CFAP299: variants seen among roughly 807,000 people sequenced by gnomAD.
The protein encoded by CFAP299 is cilia and flagella associated protein 299, also known as cilia- and flagella-associated protein 299.
In CFAP299, 21 loss-of-function variants were observed where a neutral mutation model predicts 27.0. The observed-to-expected ratio is 0.78, with a 90% CI of 0.55 to 1.12. The LOEUF (loss-of-function observed/expected upper bound fraction) is 1.12. CFAP299 is among the 50% of genes most tolerant of loss of function. The probability of loss-of-function intolerance (pLI) is 0.00; values close to 1 mark genes in which losing one functional copy is unlikely to be tolerated. For synonymous variants in CFAP299, 104 were observed against 98.1 expected (o/e 1.06, Z -0.36); for missense variants, 310 against 276.6 (o/e 1.12, Z -0.86).
chr4:80,860,819 C>T (rs1402620603), intron 3 of CFAP299, among the ~76,000 whole-genome samples: 2 of 152,170 alleles, frequency 1.3e-5, no homozygotes, highest in Non-Finnish European at 2.9e-5. Flanking sequence ...TCTGCCCCTA[C>T]TGGGGGGTGC....
intron 2 of CFAP299, among the ~76,000 whole-genome samples, chr4:80,435,641 T>C (rs1019236361): frequency 4.6e-5 from 7 of 152,158 alleles, no homozygotes; most frequent in Admixed American, 4.6e-4. Context: ...GGACACAAGA[T>C]AGAAAAGCAC....
chr4:80,566,792 A>G (rs1386212210), intron 2 of CFAP299, among the ~76,000 whole-genome samples: 1 of 152,072 alleles, frequency 6.6e-6, no homozygotes, highest in African/African-American at 2.4e-5. Flanking sequence ...CTCCGAGGAG[A>G]GAATGAAAGT....
intron 2 of CFAP299, among the ~76,000 whole-genome samples, chr4:80,433,436 ATACTT>A (rs1229493269): frequency 1.3e-5 from 2 of 152,172 alleles, no homozygotes; most frequent in South Asian, 2.1e-4. Flanking sequence ...AATAGAAAGA[ATACTT>A]TACCTTAAAA....
At chr4:80,862,459 C>G (rs937781990) in intron 3 of CFAP299, among the ~76,000 whole-genome samples, 1 of 152,056 alleles carries the variant, frequency 6.6e-6, no homozygotes, top group Non-Finnish European at 1.5e-5. Context: ...AACAATGATT[C>G]CCCCTGAGAA....
chr4:80,761,049 T>C (rs1560737871), intron 3 of CFAP299, among the ~76,000 whole-genome samples: 1 of 152,222 alleles, frequency 6.6e-6, no homozygotes, highest in Non-Finnish European at 1.5e-5. Flanking sequence ...GGGCTATAAA[T>C]GTATTTAAAT....
Position 80,676,640 on chromosome 4 carries a change from G to T in CFAP299, c.333+93457G>T, listed in dbSNP as rs548299043. ...AGCTTCAATTTGATTACTCATTATT[G>T]GTTTGTTGATGTTTTCTACTTCTTC... On this transcript the variant is annotated intron_variant, in intron 3 of 5. Coordinates refer to ENST00000358105, the MANE Select transcript of CFAP299 (RefSeq NM_152770.3). 3.0e-4 allele frequency among the ~76,000 whole-genome samples: 45 copies of T among 151,674 alleles called. 1 individual carries two copies. In the East Asian group the frequency reaches 8.7e-3, roughly 29 times the overall value.
At chr4:80,799,652 T>A (rs1303584718) in intron 3 of CFAP299, among the ~76,000 whole-genome samples, 1 of 18,128 alleles carries the variant, frequency 5.5e-5, no homozygotes, top group Non-Finnish European at 8.4e-5. Flanking sequence ...ATATATATTT[T>A]ATATATTATA....
chr4:80,538,550 G>T (rs1009204214), intron 2 of CFAP299, among the ~76,000 whole-genome samples: 2 of 151,212 alleles, frequency 1.3e-5, no homozygotes, highest in African/African-American at 4.9e-5. Context: ...CCTTATGCAG[G>T]TGTACCATTT....
At chr4:80,850,281 G>A (rs985475210) in intron 3 of CFAP299, among the ~76,000 whole-genome samples, 1 of 151,782 alleles carries the variant, frequency 6.6e-6, no homozygotes. Context: ...GAGTGGAAAA[G>A]ATACATATTA....
intron 2 of CFAP299, among the ~76,000 whole-genome samples, chr4:80,534,352 A>G (rs970022850): frequency 1.3e-5 from 2 of 150,386 alleles, no homozygotes; most frequent in African/African-American, 4.9e-5. Flanking sequence ...TTTTCCTATT[A>G]TATTTTTAAG....
intron 2 of CFAP299, among the ~76,000 whole-genome samples, chr4:80,501,977 G>A (rs1731773575): frequency 6.6e-6 from 1 of 151,552 alleles, no homozygotes; most frequent in Admixed American, 6.6e-5. Context: ...TCTTGTTTTG[G>A]GTTGTCTATT....
intron 3 of CFAP299, among the ~76,000 whole-genome samples, chr4:80,714,751 GC>G (rs1722379845): frequency 1.3e-5 from 2 of 151,968 alleles, no homozygotes; most frequent in African/African-American, 2.4e-5. Flanking sequence ...TGTTCAGAAA[GC>G]AAAATTGTAA....
At chr4:80,686,173 C>T (rs1165035903) in intron 3 of CFAP299, among the ~76,000 whole-genome samples, 2 of 151,870 alleles carry the variant, frequency 1.3e-5, no homozygotes, top group African/African-American at 4.8e-5. Flanking sequence ...CCTAAAAGAA[C>T]TCCTTAGATT....
At chr4:80,956,471 G>C (rs1384293296) in intron 5 of CFAP299, among the ~76,000 whole-genome samples, 1 of 151,962 alleles carries the variant, frequency 6.6e-6, no homozygotes, top group African/African-American at 2.4e-5. Context: ...ACAGTGTCTT[G>C]CTCTGTGTGG....
At chr4:80,462,211 C>T (rs1353589218) in intron 2 of CFAP299, among the ~76,000 whole-genome samples, 2 of 152,158 alleles carry the variant, frequency 1.3e-5, no homozygotes, top group Non-Finnish European at 2.9e-5. Context: ...TTCACTGACA[C>T]TTTCCCCTTA....
chr4:80,645,292 G>T (rs1739944842), intron 3 of CFAP299, among the ~76,000 whole-genome samples: 1 of 152,066 alleles, frequency 6.6e-6, no homozygotes, highest in Non-Finnish European at 1.5e-5. Context: ...GGAGTATAGA[G>T]TTGCAGTTGA....
chr4:80,585,148 A>C (rs1736368230), intron 3 of CFAP299, among the ~76,000 whole-genome samples: 1 of 152,092 alleles, frequency 6.6e-6, no homozygotes, highest in African/African-American at 2.4e-5. Flanking sequence ...GCTATTTAGA[A>C]GGCAAATTTG....
chr4:80,875,601 T>A (rs1578204825), intron 4 of CFAP299, among the ~76,000 whole-genome samples: 1 of 150,934 alleles, frequency 6.6e-6, no homozygotes, highest in African/African-American at 2.4e-5. Context: ...GAGGCGGAGG[T>A]TGCGGTGAGC....
At chr4:80,932,532 A>G (rs1437388689) in intron 4 of CFAP299, among the ~76,000 whole-genome samples, 1 of 152,178 alleles carries the variant, frequency 6.6e-6, no homozygotes, top group Non-Finnish European at 1.5e-5. Flanking sequence ...AAAGAACATG[A>G]ATATTTATTA....
Sources: gnomAD v4.1 joint callset for allele counts (sites outside exome capture counted in the v4.1 genomes callset) on GRCh38, gnomAD v4.1.1 for gene constraint, MANE v1.5 for transcripts, NCBI Gene and HGNC (gene_info 2026-07-23, HGNC 2026-07-21) for gene names.